TSPAN18: variants seen among roughly 807,000 people sequenced by gnomAD.
TSPAN18 encodes the protein tetraspanin-18.
In TSPAN18, 14 loss-of-function variants were observed where a neutral mutation model predicts 27.3. That is an observed-to-expected ratio of 0.51 (90% confidence interval 0.34 to 0.80). The LOEUF (loss-of-function observed/expected upper bound fraction) is 0.80. Ranked by LOEUF, TSPAN18 falls within the 30% of genes least tolerant of loss-of-function variation. The probability of loss-of-function intolerance (pLI) is 0.01; values close to 1 mark genes in which losing one functional copy is unlikely to be tolerated. For missense variants in TSPAN18, 268 were observed against 323.9 expected (o/e 0.83, Z 1.32); for synonymous variants, 143 against 136.5 (o/e 1.05, Z -0.33).
Position 44,766,961 on chromosome 11 carries a change from A to T in TSPAN18, c.-153+2449A>T, listed in dbSNP as rs563688706. ...TGGTTGTAAGGTCAAGGTGACTACC[A>T]TGGGAAGCCCCTGTTTGCTTTGAAC... On this transcript the variant is annotated intron_variant, in intron 2 of 9. Transcript: ENST00000520358. 2.6e-5 allele frequency among the ~76,000 whole-genome samples: 4 copies of T among 152,328 alleles called. No homozygotes were observed. In the East Asian group the frequency reaches 7.7e-4, roughly 29 times the overall value.
chr11:44,867,186 A>G (rs1858060230), intron 3 of TSPAN18, among the ~76,000 whole-genome samples: 2 of 152,020 alleles, frequency 1.3e-5, no homozygotes, highest in South Asian at 4.2e-4. Flanking sequence ...GACCCACTGA[A>G]TCAGAAACTT....
At chr11:44,891,358 C>CTGAA (rs1251016478) in intron 3 of TSPAN18, among the ~76,000 whole-genome samples, 2 of 152,138 alleles carry the variant, frequency 1.3e-5, no homozygotes, top group Non-Finnish European at 2.9e-5. Flanking sequence ...TGCAGCCTGA[C>CTGAA]TGAATGATGT....
intron 2 of TSPAN18, among the ~76,000 whole-genome samples, chr11:44,782,256 G>A (rs1486528134): frequency 1.3e-5 from 2 of 152,122 alleles, no homozygotes; most frequent in Non-Finnish European, 2.9e-5. Flanking sequence ...TAACTTAGAA[G>A]AAACTGCCAG....
At chr11:44,769,351 GTTTTC>G (rs1477644864) in intron 2 of TSPAN18, among the ~76,000 whole-genome samples, 7 of 152,126 alleles carry the variant, frequency 4.6e-5, no homozygotes, top group Admixed American at 3.9e-4. Flanking sequence ...TTGGTCTGTA[GTTTTC>G]TTTTCTTGTA....
At chr11:44,808,007 G>T (rs1250270259) in intron 2 of TSPAN18, among the ~76,000 whole-genome samples, 1 of 152,232 alleles carries the variant, frequency 6.6e-6, no homozygotes. Flanking sequence ...GGACCCTGGG[G>T]TGCGGTCTCA....
intron 1 of TSPAN18, among the ~76,000 whole-genome samples, chr11:44,745,783 T>C (rs1254258310): frequency 6.6e-6 from 1 of 152,180 alleles, no homozygotes; most frequent in Non-Finnish European, 1.5e-5. Context: ...ATCCCAGCAC[T>C]TTGGGAGGCC....
intron 3 of TSPAN18, among the ~76,000 whole-genome samples, chr11:44,899,847 C>A (rs1176014121): frequency 5.9e-5 from 9 of 152,236 alleles, no homozygotes; most frequent in Non-Finnish European, 1.0e-4. Context: ...CTTCAGGGAC[C>A]CTTTAGCTCA....
intron 3 of TSPAN18, among the ~76,000 whole-genome samples, chr11:44,881,783 C>T (rs1335243564): frequency 6.6e-6 from 1 of 152,178 alleles, no homozygotes; most frequent in Non-Finnish European, 1.5e-5. Context: ...TGACCCTGTC[C>T]TCATTGTCTC....
At chr11:44,744,981 T>A (rs74525859) in intron 1 of TSPAN18, among the ~76,000 whole-genome samples, 2,376 of 151,512 alleles carry the variant, frequency 0.016, 60 homozygotes, top group African/African-American at 0.054. Context: ...TCTGTCATGG[T>A]TGGAGGAGGG....
At chr11:44,743,189 G>A (rs1263867239) in intron 1 of TSPAN18, among the ~76,000 whole-genome samples, 3 of 152,126 alleles carry the variant, frequency 2.0e-5, no homozygotes, top group Non-Finnish European at 4.4e-5. Flanking sequence ...GGGCACATAC[G>A]AATGCACTCA....
intron 1 of TSPAN18, among the ~76,000 whole-genome samples, chr11:44,747,855 C>T (rs147547255): frequency 1.3e-3 from 194 of 152,306 alleles, no homozygotes; most frequent in Non-Finnish European, 1.5e-3. Context: ...CTCAAAGGCT[C>T]ACACTGTTTC....
chr11:44,918,287 T>C (rs1859988856), intron 6 of TSPAN18, among the ~76,000 whole-genome samples: 2 of 152,218 alleles, frequency 1.3e-5, no homozygotes, highest in Non-Finnish European at 2.9e-5. Flanking sequence ...TACAACCCCA[T>C]ACCTTATTCT....
chr11:44,817,574 G>C (rs1490299132), intron 2 of TSPAN18, among the ~76,000 whole-genome samples: 3 of 152,338 alleles, frequency 2.0e-5, no homozygotes, highest in Middle Eastern at 6.8e-3. Flanking sequence ...ATTGACCAGA[G>C]GCCAAGAAGA....
At chr11:44,774,243 G>C (rs1855753618) in intron 2 of TSPAN18, among the ~76,000 whole-genome samples, 1 of 152,188 alleles carries the variant, frequency 6.6e-6, no homozygotes, top group Non-Finnish European at 1.5e-5. Flanking sequence ...CTTGAACCAA[G>C]AGGCAGGCAG....
chr11:44,751,793 G>C (rs902839272), intron 1 of TSPAN18, among the ~76,000 whole-genome samples: 1 of 152,008 alleles, frequency 6.6e-6, no homozygotes, highest in Non-Finnish European at 1.5e-5. Context: ...TGGACATGAT[G>C]GCAGGTGCCT....
chr11:44,802,595 G>T (rs1486029914), intron 2 of TSPAN18, among the ~76,000 whole-genome samples: 1 of 126,134 alleles, frequency 7.9e-6, no homozygotes, highest in East Asian at 2.1e-4. Flanking sequence ...GGGAGTGGGG[G>T]GCTGGGAAGC....
At chr11:44,904,319 G>A (rs1171168994) in intron 3 of TSPAN18, among the ~76,000 whole-genome samples, 2 of 152,226 alleles carry the variant, frequency 1.3e-5, no homozygotes, top group Non-Finnish European at 2.9e-5. Context: ...TTGCAATAGG[G>A]ACCAGTAGAG....
At position 44,929,312 on chromosome 11, in the gene TSPAN18, GC is replaced by G; in HGVS notation, c.*136del. 9.2e-7 allele frequency: 1 copy of G among 1,087,176 alleles called. No homozygotes were observed. The highest frequency in any genetic ancestry group is 1.4e-6 in the Non-Finnish European group (1 of 739,748). The allele number at this position is 1,087,176 out of a possible 1,614,324, so 67.3% of individuals were successfully genotyped here. ...GCCATCAGAGATGGCCAGGAGAAGG[GC>G]CAGGGGAATAGAGCTATTTTTTTAA... On this transcript the variant is annotated 3_prime_UTR_variant, in exon 10 of 10. Transcript: ENST00000520358.
At chr11:44,924,958 G>A (rs550760450) in intron 8 of TSPAN18, among the ~76,000 whole-genome samples, 1 of 152,316 alleles carries the variant, frequency 6.6e-6, no homozygotes, top group East Asian at 1.9e-4. Context: ...GATCCAGGAT[G>A]GACCCTGGGC....
Sources: allele counts gnomAD v4.1 joint callset (sites outside exome capture counted in the v4.1 genomes callset), GRCh38; gene constraint gnomAD v4.1.1; transcripts MANE v1.5; gene names NCBI Gene and HGNC (gene_info 2026-07-23, HGNC 2026-07-21).